Variants in KCTD8 observed in about 807,000 individuals in gnomAD.
KCTD8 encodes BTB/POZ domain-containing protein KCTD8.
In KCTD8, 27 loss-of-function variants were observed where a neutral mutation model predicts 31.5. The observed-to-expected ratio is 0.86, with a 90% CI of 0.63 to 1.18. KCTD8 has a LOEUF of 1.18. KCTD8 is among the 50% of genes most tolerant of loss of function. The pLI, the probability that KCTD8 is intolerant of heterozygous loss-of-function variation, is 0.00. For synonymous variants in KCTD8, 290 were observed against 280.0 expected (o/e 1.04, Z -0.36); for missense variants, 658 against 647.7 (o/e 1.02, Z -0.17).
chr4:44,331,446 TATC>T (rs1439183028), intron 1 of KCTD8, among the ~76,000 whole-genome samples: 1 of 151,688 alleles, frequency 6.6e-6, no homozygotes, highest in African/African-American at 2.4e-5. Flanking sequence ...TAACATTATT[TATC>T]ATATTATAAA....
intron 1 of KCTD8, among the ~76,000 whole-genome samples, chr4:44,240,672 T>C (rs1288510875): frequency 1.3e-5 from 2 of 152,152 alleles, no homozygotes; most frequent in East Asian, 3.9e-4. Flanking sequence ...ATGGATGATT[T>C]CTTGCTCCAA....
intron 1 of KCTD8, among the ~76,000 whole-genome samples, chr4:44,176,746 G>A (rs1196544520): frequency 6.6e-6 from 1 of 152,120 alleles, no homozygotes; most frequent in East Asian, 1.9e-4. Flanking sequence ...AAAACTGATA[G>A]AACTGTATGC....
intron 1 of KCTD8, among the ~76,000 whole-genome samples, chr4:44,271,911 C>G (rs1351684559): frequency 6.6e-6 from 1 of 151,914 alleles, no homozygotes; most frequent in African/African-American, 2.4e-5. Context: ...AGCTATATTT[C>G]TGTGTGTGTG....
intron 1 of KCTD8, among the ~76,000 whole-genome samples, chr4:44,296,032 T>C (rs1207352637): frequency 1.3e-5 from 2 of 152,220 alleles, no homozygotes; most frequent in Non-Finnish European, 2.9e-5. Flanking sequence ...TTGGTTTAAA[T>C]ATTTCCAATT....
intron 1 of KCTD8, among the ~76,000 whole-genome samples, chr4:44,408,632 T>C (rs558605220): frequency 6.6e-6 from 1 of 152,278 alleles, no homozygotes; most frequent in East Asian, 1.9e-4. Flanking sequence ...TTTGTTTGTT[T>C]GTTTTTAGAC....
At chr4:44,348,910 G>A (rs1719113838) in intron 1 of KCTD8, among the ~76,000 whole-genome samples, 1 of 151,938 alleles carries the variant, frequency 6.6e-6, no homozygotes, top group Non-Finnish European at 1.5e-5. Flanking sequence ...CTACCCTTGA[G>A]CCTCATTTTT....
At chr4:44,429,477 G>C (rs6447335) in intron 1 of KCTD8, among the ~76,000 whole-genome samples, 95,508 of 151,048 alleles carry the variant, frequency 0.63, 31,614 homozygotes, top group Non-Finnish European at 0.74. Context: ...CATTGAAGGG[G>C]CTGTTTTGGA....
intron 1 of KCTD8, among the ~76,000 whole-genome samples, chr4:44,363,623 T>C (rs188811013): frequency 3.1e-3 from 467 of 152,288 alleles, no homozygotes; most frequent in Non-Finnish European, 4.8e-3. Flanking sequence ...AAACAACATA[T>C]TGGTTCTATT....
intron 1 of KCTD8, among the ~76,000 whole-genome samples, chr4:44,366,107 A>G (rs1719626084): frequency 1.3e-5 from 2 of 152,166 alleles, no homozygotes; most frequent in African/African-American, 4.8e-5. Context: ...GTTGGGTGCA[A>G]AGATAGTTTG....
intron 1 of KCTD8, among the ~76,000 whole-genome samples, chr4:44,180,994 T>A (rs1324657812): frequency 6.6e-6 from 1 of 152,214 alleles, no homozygotes; most frequent in Non-Finnish European, 1.5e-5. Context: ...GCAAGTTCAC[T>A]GACAGTAAGT....
chr4:44,429,596 G>A (rs1447380758), intron 1 of KCTD8, among the ~76,000 whole-genome samples: 1 of 151,788 alleles, frequency 6.6e-6, no homozygotes, highest in Non-Finnish European at 1.5e-5. Context: ...AATAAGTTCA[G>A]CTGGGTAGGT....
chr4:44,406,308 T>G (rs1361157035), intron 1 of KCTD8, among the ~76,000 whole-genome samples: 1 of 152,176 alleles, frequency 6.6e-6, no homozygotes, highest in Non-Finnish European at 1.5e-5. Flanking sequence ...GACTCTTCTC[T>G]TTTGATATGC....
intron 1 of KCTD8, among the ~76,000 whole-genome samples, chr4:44,265,119 G>A (rs1367551561): frequency 2.0e-5 from 3 of 152,280 alleles, no homozygotes; most frequent in South Asian, 2.1e-4. Context: ...TGACCCCTGA[G>A]CAGACTAACT....
intron 1 of KCTD8, among the ~76,000 whole-genome samples, chr4:44,375,405 G>C (rs149286173): frequency 3.9e-5 from 6 of 152,206 alleles, no homozygotes; most frequent in African/African-American, 1.2e-4. Context: ...AGAAATGAAG[G>C]GGGTGGAGGA....
intron 1 of KCTD8, among the ~76,000 whole-genome samples, chr4:44,296,905 T>C (rs1219142089): frequency 6.6e-6 from 1 of 152,036 alleles, no homozygotes; most frequent in Non-Finnish European, 1.5e-5. Context: ...TGAGGTCTAA[T>C]CTGAAACACT....
In KCTD8 at chr4:44,448,338, C is replaced by T; in HGVS notation, c.186G>A (p.Leu62=). ...CCAAAGTACTGTCCGGGACGCTGAG[C>T]AGCGTCGAGTGCTTGGTCACATAAA... The part of the protein sequence containing the change: ...GQVYVTKHST[L]LSVPDSTLAS... Residue 62 remains leucine (L), a synonymous_variant, in exon 1 of 2, where the codon CTG becomes CTA. Transcript: ENST00000360029. The surrounding 1 kb of genome is among the most constrained non-coding windows in gnomAD (Gnocchi z 4.1). 6.3e-7 allele frequency: 1 copy of T among 1,595,634 alleles called. No individual in the cohort carries two copies. The highest frequency in any genetic ancestry group is 8.5e-7 in the Non-Finnish European group (1 of 1,171,680).
At chr4:44,357,905 A>ATTATTATTATTATT (rs1560434983) in intron 1 of KCTD8, among the ~76,000 whole-genome samples, 4 of 151,182 alleles carry the variant, frequency 2.6e-5, no homozygotes, top group African/African-American at 9.7e-5. Flanking sequence ...TTATTATTAT[A>ATTATTATTATTATT]ATTATTATTA....
chr4:44,398,828 G>A (rs1720574940), intron 1 of KCTD8, among the ~76,000 whole-genome samples: 1 of 152,190 alleles, frequency 6.6e-6, no homozygotes, highest in Non-Finnish European at 1.5e-5. Flanking sequence ...TATTTGTGGA[G>A]GAAAGAGCAC....
chr4:44,213,187 C>T (rs774680412), intron 1 of KCTD8, among the ~76,000 whole-genome samples: 18 of 152,148 alleles, frequency 1.2e-4, no homozygotes, highest in Non-Finnish European at 2.1e-4. Context: ...CCGCCTGCCT[C>T]GGCCTCCCAG....
Sources: gnomAD v4.1 joint callset for allele counts (sites outside exome capture counted in the v4.1 genomes callset) on GRCh38, gnomAD v4.1.1 for gene constraint, Gnocchi (gnomAD v3.1) non-coding constraint, MANE v1.5 for transcripts, NCBI Gene and HGNC (gene_info 2026-07-23, HGNC 2026-07-21) for gene names.